Variants in RYR3 observed in about 807,000 individuals in gnomAD.
The protein encoded by RYR3 is ryanodine receptor 3.
A neutral mutation model predicts 584.3 loss-of-function variants in RYR3; 207 were observed. The ratio of observed to expected loss-of-function variants is 0.35; its 90% CI spans 0.32 to 0.40. The LOEUF (loss-of-function observed/expected upper bound fraction) is 0.40, where lower values mean the gene tolerates loss of function less well. Among genes scored for constraint, RYR3 ranks in the 10% least tolerant of loss-of-function variants. The pLI is 1.00. For synonymous variants in RYR3, 2,416 were observed against 2,248.5 expected, an observed-to-expected ratio of 1.07 and a Z score of -2.11; for missense variants, 5,616 against 6,089.2, an observed-to-expected ratio of 0.92 and a Z score of 2.59.
intron 49 of RYR3, among the ~76,000 whole-genome samples, chr15:33,737,447 G>A (rs141226726): frequency 1.3e-5 from 2 of 152,344 alleles, no homozygotes; most frequent in African/African-American, 2.4e-5. Flanking sequence ...GCAATGGCTA[G>A]CCACACCTGA....
chr15:33,699,631 C>G, intron 40 of RYR3, 73 bp from the exon 41 acceptor site: 1 of 1,450,492 alleles, frequency 6.9e-7, no homozygotes, highest in Non-Finnish European at 9.5e-7. Context: ...CCACTTAAGA[C>G]TCTGAGGTCA....
At chr15:33,834,319 C>CAT (rs765434867) in intron 86 of RYR3, among the ~76,000 whole-genome samples, 2,965 of 146,486 alleles carry the variant, frequency 0.02, 50 homozygotes, top group Non-Finnish European at 0.029. Context: ...CACACACACA[C>CAT]ACACAGTGAG....
intron 62 of RYR3, among the ~76,000 whole-genome samples, chr15:33,771,634 G>GT (rs1317922120): frequency 6.6e-6 from 1 of 152,192 alleles, no homozygotes. Context: ...GCAACTTACT[G>GT]TAGATAATAG....
rs75867352 is a variant in RYR3 at position 33,443,519 on chromosome 15, C to T, written c.52-29900C>T. Reference sequence around the variant, plus strand: ...TGCATTTAAAAAGAGGTTAACCACTCTTTCCACCCGAGAAATTAGAAAACA... The same window carrying T: ...TGCATTTAAAAAGAGGTTAACCACTTTTTCCACCCGAGAAATTAGAAAACA... On this transcript the variant is annotated intron_variant, in intron 1 of 103. Coordinates refer to ENST00000634891, the MANE Select transcript of RYR3 (RefSeq NM_001036.6). 1.1e-3 allele frequency among the ~76,000 whole-genome samples: 168 copies of T among 152,286 alleles called. 3 individuals carry two copies. The East Asian group carries it at 0.031, about 28-fold the overall frequency.
chr15:33,594,176 A>G (rs1309874493), intron 16 of RYR3, among the ~76,000 whole-genome samples: 5 of 152,202 alleles, frequency 3.3e-5, no homozygotes, highest in Non-Finnish European at 7.4e-5. Flanking sequence ...ATTTGTTCCA[A>G]GGGCTTTATT....
intron 1 of RYR3, among the ~76,000 whole-genome samples, chr15:33,345,919 C>T (rs913240489): frequency 6.6e-6 from 1 of 152,170 alleles, no homozygotes; most frequent in African/African-American, 2.4e-5. Context: ...AATGTATTAA[C>T]ATGCGCCATT....
intron 32 of RYR3, among the ~76,000 whole-genome samples, chr15:33,653,959 A>G (rs1010363195): frequency 5.3e-5 from 8 of 152,238 alleles, no homozygotes; most frequent in African/African-American, 1.9e-4. Flanking sequence ...AAATTATTTG[A>G]CAAAGAAAAG....
At chr15:33,820,722 C>T (rs1297263968) in intron 77 of RYR3, 34 bp from the exon 78 acceptor site, 2 of 1,567,354 alleles carry the variant, frequency 1.3e-6, no homozygotes, top group South Asian at 1.2e-5. Context: ...ATTTGATTGT[C>T]TGTCTTCTCC....
chr15:33,759,351 C>T (rs1319013559), intron 60 of RYR3, among the ~76,000 whole-genome samples: 1 of 151,978 alleles, frequency 6.6e-6, no homozygotes, highest in Non-Finnish European at 1.5e-5. Flanking sequence ...ACTCCTCTGA[C>T]CTAAAGGAGC....
chr15:33,849,038 G>A lies in RYR3; in HGVS notation c.13628+617G>A, dbSNP rs28534689. The A allele has an allele frequency of 6.3e-3, 961 of 152,294 alleles. 8 individuals carry two copies. The highest frequency in any genetic ancestry group is 0.023 in the Middle Eastern group (7 of 304). 9.4% of individuals were successfully genotyped at this position (152,294 alleles called of 1,614,324 possible). On this transcript the variant is annotated intron_variant, in intron 94 of 103. Transcript: ENST00000634891. ...TTTTCAGTAGAGACGGGGTTTCACC[G>A]TGTTAGCCAGGATGGTCTCGATCTC...
chr15:33,652,711 C>A lies in RYR3; in HGVS notation c.4143-7C>A. On this transcript the variant is annotated splice_polypyrimidine_tract_variant and splice_region_variant and intron_variant, in intron 31 of 103. Coordinates refer to ENST00000634891, the MANE Select transcript of RYR3 (RefSeq NM_001036.6). ...GATTCTGTGCCTTTTCCTGTCTTGG[C>A]TCCTAGTGTGAAACGCAGCAACTGC... 1 of 1,612,602 alleles carries A rather than the reference C, an allele frequency of 6.2e-7. No individual in the cohort carries two copies. Among genetic ancestry groups the A allele is most frequent in the Non-Finnish European group, 8.5e-7 (1 of 1,179,310 alleles).
At chr15:33,492,629 C>T (rs1483965191) in intron 2 of RYR3, among the ~76,000 whole-genome samples, 47 of 152,282 alleles carry the variant, frequency 3.1e-4, no homozygotes, top group South Asian at 2.1e-4. Context: ...TTTGTGTTCA[C>T]TTCCCATCCT....
chr15:33,722,670 G>C (rs780841012), intron 43 of RYR3, 45 bp from the exon 44 acceptor site: 9 of 1,530,278 alleles, frequency 5.9e-6, no homozygotes, highest in Non-Finnish European at 6.3e-6. Context: ...TAAATTCTGG[G>C]GTTGTCCTTT....
At chr15:33,380,386 C>T (rs1052258985) in intron 1 of RYR3, among the ~76,000 whole-genome samples, 4 of 152,138 alleles carry the variant, frequency 2.6e-5, no homozygotes, top group Admixed American at 2.0e-4. Flanking sequence ...GCCTATTACC[C>T]ACTGCGAGGA....
intron 38 of RYR3, among the ~76,000 whole-genome samples, chr15:33,687,509 A>G (rs2065098234): frequency 6.6e-6 from 1 of 152,226 alleles, no homozygotes; most frequent in African/African-American, 2.4e-5. Context: ...TGTAGATTCG[A>G]TGCCATCCCC....
At chr15:33,340,408 G>T (rs1971677386) in intron 1 of RYR3, among the ~76,000 whole-genome samples, 1 of 152,214 alleles carries the variant, frequency 6.6e-6, no homozygotes, top group Admixed American at 6.5e-5. Flanking sequence ...AAAATGTAAA[G>T]ATTCCTATCC....
At position 33,771,958 on chromosome 15, in the gene RYR3, G is replaced by A. The variant is rs748399188; in HGVS notation, c.8855G>A (p.Gly2952Glu). The change falls in exon 63 of 104, where the codon GGG becomes GAG. Residue 2952 changes from glycine to glutamate, a missense_variant. By Grantham distance (98) the Gly-to-Glu change is moderately conservative. Coordinates refer to ENST00000634891, the MANE Select transcript of RYR3 (RefSeq NM_001036.6). ...MKSGSELVKA[G>E]LRAFFENAAE... ...TCAGGCTCAGAGCTGGTGAAGGCTGGGTTACGAGCATTCTTTGAAAATGCT... is the reference window on the plus strand; with the variant it reads ...TCAGGCTCAGAGCTGGTGAAGGCTGAGTTACGAGCATTCTTTGAAAATGCT... 2 of 1,613,212 alleles carry A rather than the reference G, an allele frequency of 1.2e-6. No individual in the cohort carries two copies. The highest frequency in any genetic ancestry group is 2.2e-5 in the South Asian group (2 of 90,732).
intron 45 of RYR3, 141 bp from the exon 46 acceptor site, chr15:33,726,245 C>T: frequency 4.7e-6 from 4 of 859,526 alleles, no homozygotes; most frequent in Non-Finnish European, 7.2e-6. Context: ...TCCCTGTGGC[C>T]ACAAGTGTCT....
In RYR3 at chr15:33,817,580, C is replaced by T. The variant is rs1323780973; in HGVS notation, c.10599+622C>T. On this transcript the variant is annotated intron_variant, in intron 75 of 103. Transcript: ENST00000634891. ...TTTTTCTCTTACCACTCACTCTCTC[C>T]GTTCATCTTGTCCTGTGTTTCTGAT... Among the ~76,000 whole-genome samples, 4 of 152,186 alleles carry T rather than the reference C, an allele frequency of 2.6e-5. No individual in the cohort carries two copies. In the East Asian group the frequency reaches 5.8e-4, roughly 22 times the overall value.
Sources: gnomAD v4.1 joint callset for allele counts (sites outside exome capture counted in the v4.1 genomes callset) on GRCh38, gnomAD v4.1.1 for gene constraint, MANE v1.5 for transcripts, NCBI Gene and HGNC (gene_info 2026-07-23, HGNC 2026-07-21) for gene names.